Variants in TEK observed in about 807,000 individuals in gnomAD.
The protein encoded by TEK is angiopoietin-1 receptor.
In TEK, 43 loss-of-function variants were observed where a neutral mutation model predicts 131.8. The observed-to-expected ratio is 0.33, with a 90% CI of 0.26 to 0.42. The LOEUF (loss-of-function observed/expected upper bound fraction) is 0.42. TEK is among the 10% of genes least tolerant of loss of function. The pLI is 1.00. For missense variants in TEK, 1,162 were observed against 1,384.4 expected, an observed-to-expected ratio of 0.84 and a Z score of 2.55; for synonymous variants, 580 against 491.6, an observed-to-expected ratio of 1.18 and a Z score of -2.38.
In TEK at chr9:27,109,261, A is replaced by AGCAGCAGCAGCAGAT; in HGVS notation, c.-327_-326insGCAGCAGCAGATGCA. On this transcript the variant is annotated 5_prime_UTR_variant, in exon 1 of 23. It adds an upstream start codon to the 5' untranslated region. Coordinates refer to ENST00000380036, the MANE Select transcript of TEK (RefSeq NM_000459.5). Reference sequence around the variant, plus strand: ...CAGCAGCAGCAAAAGCAGCAGCAGAAGCAACAGCAACAGATAAGTGTTTTG... The same window carrying AGCAGCAGCAGCAGAT: ...CAGCAGCAGCAAAAGCAGCAGCAGAAGCAGCAGCAGCAGATGCAACAGCAACAGATAAGTGTTTTG... The AGCAGCAGCAGCAGAT allele has an allele frequency of 1.9e-6, 1 of 523,752 alleles. No individual in the cohort carries two copies. The highest frequency in any genetic ancestry group is 3.3e-6 in the Non-Finnish European group (1 of 300,662). The allele number at this position is 523,752 out of a possible 1,614,324, so 32.4% of individuals were successfully genotyped here.
intron 1 of TEK, among the ~76,000 whole-genome samples, chr9:27,138,042 A>G (rs1049761140): frequency 1.3e-5 from 2 of 151,850 alleles, no homozygotes; most frequent in African/African-American, 4.8e-5. Context: ...ACAGCTCTTA[A>G]AGGTGGCGCA....
chr9:27,190,409 G>C (rs1824773377), intron 9 of TEK, 120 bp from the exon 10 acceptor site: 3 of 1,225,638 alleles, frequency 2.4e-6, no homozygotes, highest in East Asian at 2.3e-5. Context: ...CACTGAGTCT[G>C]AGCAGAAAAC....
chr9:27,144,050 G>T (rs1822825151), intron 1 of TEK, among the ~76,000 whole-genome samples: 1 of 152,236 alleles, frequency 6.6e-6, no homozygotes, highest in African/African-American at 2.4e-5. Context: ...TTGGGAGGCT[G>T]AGGTGGGCAG....
intron 16 of TEK, among the ~76,000 whole-genome samples, chr9:27,211,875 A>G (rs1182720523): frequency 3.3e-5 from 5 of 152,120 alleles, no homozygotes; most frequent in African/African-American, 7.2e-5. Flanking sequence ...TAGTAGGTAT[A>G]AATGTCGATG....
rs767852691 is a variant in TEK, at chr9:27,220,133, GTGA to G, written c.3195_3197del (p.Asp1065del). On this transcript the variant is annotated inframe_deletion, in exon 21 of 23. Coordinates refer to ENST00000380036, the MANE Select transcript of TEK (RefSeq NM_000459.5). ...TACAGACTGGAGAAGCCCCTGAACT[GTGA>G]TGATGAGGTGTAAGTCAGGCCTCAT... is the stretch of plus-strand genomic sequence containing the variant. 1 of 1,613,916 alleles carries G rather than the reference GTGA, an allele frequency of 6.2e-7. No individual in the cohort carries two copies. The highest frequency in any genetic ancestry group is 8.5e-7 in the Non-Finnish European group (1 of 1,179,968).
In TEK at chr9:27,213,446, A is replaced by C. The variant is rs781385824; in HGVS notation, c.2878-38A>C. Reference sequence around the variant, plus strand: ...CAAAGTTTTCAGCCCTGGGGCTTTCATTAGGCTGAAAATACATAATGTTTT... The same window carrying C: ...CAAAGTTTTCAGCCCTGGGGCTTTCCTTAGGCTGAAAATACATAATGTTTT... On this transcript the variant is annotated intron_variant, in intron 17 of 22. Transcript: ENST00000380036. 5 of 1,523,768 alleles carry C rather than the reference A, an allele frequency of 3.3e-6. No individual in the cohort carries two copies. The Admixed American group carries it at 6.7e-5, about 20-fold the overall frequency. The allele number at this position is 1,523,768 out of a possible 1,614,324, so 94.4% of individuals were successfully genotyped here.
intron 1 of TEK, among the ~76,000 whole-genome samples, chr9:27,148,351 G>A (rs1396483544): frequency 6.6e-6 from 1 of 152,238 alleles, no homozygotes; most frequent in East Asian, 1.9e-4. Flanking sequence ...CATGTTGTGA[G>A]TATATCAGCT....
chr9:27,167,872 C>T (rs1413826), intron 2 of TEK, among the ~76,000 whole-genome samples: 107,379 of 148,684 alleles, frequency 0.72, 39,238 homozygotes, highest in South Asian at 0.84. Flanking sequence ...TTTTTTTTTT[C>T]CCACTTTAAG....
At position 27,192,583 on chromosome 9, in the gene TEK, G is replaced by C. The variant is rs371652913; in HGVS notation, c.1584G>C (p.Gly528=). Residue 528 remains glycine, a synonymous_variant, in exon 11 of 23, where the codon GGG becomes GGC. Transcript: ENST00000380036. ...TCCGTCGTGGAGAGGGTGGGGAAGG[G>C]CATCCTGGACCTGTGAGACGCTTCA... ...QLVRRGEGGE[G]HPGPVRRFTT... The C allele has an allele frequency of 2.5e-6, 4 of 1,613,776 alleles. No individual in the cohort carries two copies. Among genetic ancestry groups the C allele is most frequent in the Non-Finnish European group, 3.4e-6 (4 of 1,179,918 alleles).
chr9:27,190,601 C>T lies in TEK; in HGVS notation c.1400C>T (p.Ser467Phe). 6.2e-7 allele frequency: 1 copy of T among 1,614,068 alleles called. No individual in the cohort carries two copies. Among genetic ancestry groups the T allele is most frequent in the Non-Finnish European group, 8.5e-7 (1 of 1,179,942 alleles). The part of the protein sequence containing the change: ...GHNFAVINIS[S>F]EPYFGDGPIK... ...AACTTTGCTGTCATCAACATCAGCT[C>T]TGAGCCTTACTTTGGGGATGGACCA... The change falls in exon 10 of 23, where the codon TCT becomes TTT. Residue 467 changes from serine (S) to phenylalanine (F), a missense_variant. Transcript: ENST00000380036.
rs142090335 is a variant in TEK, at chr9:27,118,924, A to G, written c.52+9282A>G. Among the ~76,000 whole-genome samples, 152 of 152,332 alleles carry G rather than the reference A, an allele frequency of 1.0e-3. 1 individual carries two copies. The East Asian group carries it at 0.028, about 28-fold the overall frequency. On this transcript the variant is annotated intron_variant, in intron 1 of 22. Coordinates refer to ENST00000380036, the MANE Select transcript of TEK (RefSeq NM_000459.5). ...CCTGGAGCTACCAACTTCGCTGACC[A>G]CTTGAAGGAAGCTAGTCTTTAGTAC...
intron 1 of TEK, among the ~76,000 whole-genome samples, chr9:27,122,983 G>A (rs1270763579): frequency 2.1e-5 from 3 of 142,032 alleles, no homozygotes; most frequent in East Asian, 4.5e-4. Context: ...AACCTGGGAG[G>A]CAGAGGTTGC....
At chr9:27,220,178 C>A in intron 21 of TEK, 33 bp downstream of exon 21, 1 of 1,606,514 alleles carries the variant, frequency 6.2e-7, no homozygotes, top group South Asian at 1.1e-5. Context: ...GCTATTTTGT[C>A]TTACCTTCCC....
rs150612271 is a variant in TEK, at chr9:27,150,311, A to G, written c.53-7520A>G. ...CTATATGCCTCAGATTGCCTGTTAT[A>G]AAGTGTAAGGCTTGGCCAGGCATGT... On this transcript the variant is annotated intron_variant, in intron 1 of 22. Coordinates refer to ENST00000380036, the MANE Select transcript of TEK (RefSeq NM_000459.5). 3.8e-3 allele frequency among the ~76,000 whole-genome samples: 577 copies of G among 152,224 alleles called. 3 individuals carry two copies. The highest frequency in any genetic ancestry group is 5.9e-3 in the Non-Finnish European group (404 of 68,010).
chr9:27,226,134 G>A (rs1240696107), intron 21 of TEK, among the ~76,000 whole-genome samples: 1 of 152,206 alleles, frequency 6.6e-6, no homozygotes, highest in African/African-American at 2.4e-5. Flanking sequence ...CTGTTGGTGG[G>A]AGTGTAAATT....
intron 1 of TEK, among the ~76,000 whole-genome samples, chr9:27,153,875 C>T (rs896340190): frequency 5.9e-5 from 9 of 152,308 alleles, no homozygotes; most frequent in African/African-American, 1.9e-4. Context: ...CAGTTGTACT[C>T]GTTGTCGTGG....
intron 1 of TEK, among the ~76,000 whole-genome samples, chr9:27,114,593 A>G (rs1387305271): frequency 6.6e-6 from 1 of 152,104 alleles, no homozygotes; most frequent in Non-Finnish European, 1.5e-5. Context: ...AAAAAAATTT[A>G]ATATTAGGTT....
intron 1 of TEK, among the ~76,000 whole-genome samples, chr9:27,155,277 C>T (rs987506507): frequency 2.6e-5 from 4 of 152,112 alleles, no homozygotes; most frequent in African/African-American, 7.2e-5. Context: ...TGTAGCTCGT[C>T]GTCTCTTTCA....
At chr9:27,131,453 T>G (rs1296663965) in intron 1 of TEK, among the ~76,000 whole-genome samples, 1 of 140,014 alleles carries the variant, frequency 7.1e-6, no homozygotes, top group Non-Finnish European at 1.5e-5. Context: ...CACTCCAGCC[T>G]GGGTAACAGG....
Sources: gnomAD v4.1 joint callset for allele counts (sites outside exome capture counted in the v4.1 genomes callset) on GRCh38, gnomAD v4.1.1 for gene constraint, MANE v1.5 for transcripts, NCBI Gene and HGNC (gene_info 2026-07-23, HGNC 2026-07-21) for gene names.